Variants in CFAP161 observed in about 807,000 individuals in gnomAD.
CFAP161 encodes the protein cilia and flagella associated protein 161.
CFAP161 carries 25 observed loss-of-function variants against 29.0 expected under a neutral mutation model. The ratio of observed to expected loss-of-function variants is 0.86; its 90% CI spans 0.63 to 1.20. The LOEUF (loss-of-function observed/expected upper bound fraction) is 1.20. CFAP161 is among the 50% of genes most tolerant of loss of function. The probability of loss-of-function intolerance (pLI) is 0.00; values close to 1 mark genes in which losing one functional copy is unlikely to be tolerated. For synonymous variants in CFAP161, 116 were observed against 137.4 expected, an observed-to-expected ratio of 0.84 and a Z score of 1.09; for missense variants, 367 against 371.9, an observed-to-expected ratio of 0.99 and a Z score of 0.11.
intron 3 of CFAP161, 83 bp downstream of exon 3, chr15:81,136,831 C>T: frequency 8.8e-7 from 1 of 1,137,996 alleles, no homozygotes; most frequent in Non-Finnish European, 1.3e-6. Flanking sequence ...ATTGGAGCCA[C>T]TGAGTGGAGG....
In CFAP161 at chr15:81,110,001, T is replaced by A. The variant is rs370463748; in HGVS notation, c.-141-17589T>A. Among the ~76,000 whole-genome samples the A allele has an allele frequency of 8.5e-5, 13 of 152,286 alleles. No individual in the cohort carries two copies. In the East Asian group the frequency reaches 2.5e-3, roughly 29 times the overall value. ...ATTTCTGCATAAATTTGATGTTTGT[T>A]CTTGGTCCAATTTTAGCAGAATCCA... On this transcript the variant is annotated intron_variant, in intron 1 of 4. Transcript: ENST00000560091.
At chr15:81,148,014 T>C in intron 6 of CFAP161, 83 bp downstream of exon 6, 1 of 1,120,908 alleles carries the variant, frequency 8.9e-7, no homozygotes, top group Non-Finnish European at 1.3e-6. Flanking sequence ...ATTGATAGTG[T>C]ATGGCTGCAC....
intron 1 of CFAP161, among the ~76,000 whole-genome samples, chr15:81,109,031 G>A (rs1894408113): frequency 3.9e-5 from 6 of 152,220 alleles, no homozygotes; most frequent in Admixed American, 2.6e-4. Context: ...TGTATGATAA[G>A]AGGAGTGAGC....
At chr15:81,147,828 G>T in intron 5 of CFAP161, 30 bp from the exon 6 acceptor site, 6 of 1,511,550 alleles carry the variant, frequency 4.0e-6, no homozygotes, top group East Asian at 2.3e-5. Flanking sequence ...TGTTTAGAAT[G>T]CTAATAACAC....
chr15:81,148,500 C>T lies in CFAP161; in HGVS notation c.873C>T (p.Ala291=), dbSNP rs746984610. The stretch of plus-strand genomic sequence containing the variant: ...AACCACCCACAGAGGACACTCGAGC[C>T]ATGGAGCAGGCCATGGGCCTTGACA... ...LPKPPTEDTR[A]MEQAMGLDTQ The change falls in exon 7 of 7, where the codon GCC becomes GCT. Residue 291 remains alanine, a synonymous_variant. Transcript: ENST00000286732. 20 of 1,614,076 alleles carry T rather than the reference C, an allele frequency of 1.2e-5. No homozygotes were observed. Among genetic ancestry groups the T allele is most frequent in the African/African-American group, 2.7e-5 (2 of 74,934 alleles).
chr15:81,140,396 T>C (rs1289266031), intron 4 of CFAP161, among the ~76,000 whole-genome samples: 2 of 152,204 alleles, frequency 1.3e-5, no homozygotes, highest in Non-Finnish European at 2.9e-5. Context: ...TCTCATTTTG[T>C]CCCAGATGAC....
chr15:81,119,978 A>C (rs547711800), intron 1 of CFAP161, among the ~76,000 whole-genome samples: 26 of 152,328 alleles, frequency 1.7e-4, no homozygotes, highest in Admixed American at 1.4e-3. Flanking sequence ...TAAAAGGCTC[A>C]AAAGCAGTAC....
In CFAP161 at chr15:81,144,389, G is replaced by C. The variant is rs139442169; in HGVS notation, c.636+569G>C. Among the ~76,000 whole-genome samples the C allele has an allele frequency of 4.6e-3, 707 of 152,298 alleles. 10 individuals carry two copies. In the East Asian group the frequency reaches 0.049, roughly 10 times the overall value. On this transcript the variant is annotated intron_variant, in intron 5 of 6. Coordinates refer to ENST00000286732, the MANE Select transcript of CFAP161 (RefSeq NM_173528.4). Reference sequence around the variant, plus strand: ...GCGGGCGGATCTTTTGAGGCCAGGAGTTCAAGACCAGCCTGGGCAACATGG... The same window carrying C: ...GCGGGCGGATCTTTTGAGGCCAGGACTTCAAGACCAGCCTGGGCAACATGG...
intron 1 of CFAP161, among the ~76,000 whole-genome samples, chr15:81,106,466 G>A (rs1365904657): frequency 2.0e-5 from 3 of 152,186 alleles, no homozygotes; most frequent in South Asian, 2.1e-4. Flanking sequence ...CACCGTGCCC[G>A]GCTGGCTTTT....
chr15:81,112,499 T>A (rs1441889672), intron 1 of CFAP161, among the ~76,000 whole-genome samples: 1 of 152,088 alleles, frequency 6.6e-6, no homozygotes, highest in Non-Finnish European at 1.5e-5. Flanking sequence ...AAAACATAAT[T>A]TTGAGATTAC....
At chr15:81,127,881 G>C (rs1264055830) in intron 2 of CFAP161, among the ~76,000 whole-genome samples, 3 of 152,202 alleles carry the variant, frequency 2.0e-5, no homozygotes, top group Non-Finnish European at 2.9e-5. Context: ...GCATTGCAAT[G>C]GGACTATGCA....
chr15:81,109,100 G>A (rs949978477), intron 1 of CFAP161, among the ~76,000 whole-genome samples: 2 of 152,162 alleles, frequency 1.3e-5, no homozygotes, highest in African/African-American at 4.8e-5. Flanking sequence ...GTGTTTATCT[G>A]CTCATGCTCT....
chr15:81,141,979 T>C (rs1172391721), intron 4 of CFAP161, among the ~76,000 whole-genome samples: 2 of 152,176 alleles, frequency 1.3e-5, no homozygotes, highest in Non-Finnish European at 2.9e-5. Context: ...CCACTGTACC[T>C]GGCCTTATTT....
At chr15:81,127,886 T>C (rs1466103729) in intron 2 of CFAP161, among the ~76,000 whole-genome samples, 2 of 152,224 alleles carry the variant, frequency 1.3e-5, no homozygotes, top group East Asian at 3.9e-4. Context: ...GCAATGGGAC[T>C]ATGCATGCCA....
At chr15:81,116,287 T>G (rs1369579944) in intron 1 of CFAP161, among the ~76,000 whole-genome samples, 4 of 152,136 alleles carry the variant, frequency 2.6e-5, no homozygotes, top group Admixed American at 2.6e-4. Context: ...TTTAAAAATT[T>G]TATTTTATTA....
chr15:81,120,809 A>T (rs1249820326), intron 1 of CFAP161, among the ~76,000 whole-genome samples: 1 of 152,272 alleles, frequency 6.6e-6, no homozygotes, highest in Non-Finnish European at 1.5e-5. Flanking sequence ...ACCTCAAAAA[A>T]TGAAGTTACC....
intron 5 of CFAP161, among the ~76,000 whole-genome samples, chr15:81,146,739 G>C (rs1895011952): frequency 6.7e-6 from 1 of 149,566 alleles, no homozygotes; most frequent in African/African-American, 2.4e-5. Flanking sequence ...TGAATCTTGG[G>C]ACCTAAACTC....
chr15:81,116,365 C>T (rs1039596338), intron 1 of CFAP161, among the ~76,000 whole-genome samples: 2 of 152,200 alleles, frequency 1.3e-5, no homozygotes, highest in African/African-American at 4.8e-5. Flanking sequence ...ACAATCTTGG[C>T]TCACTGCAGC....
At position 81,135,132 on chromosome 15, in the gene CFAP161, C is replaced by A. The variant is rs1894786788; in HGVS notation, c.70-138C>A. ...ATATTAAAGTAGTGCTAAAAACGTTCCATCATTCCAATTATGCTCACATCT... is the reference window on the plus strand; with the variant it reads ...ATATTAAAGTAGTGCTAAAAACGTTACATCATTCCAATTATGCTCACATCT... On this transcript the variant is annotated intron_variant, in intron 1 of 6. Transcript: ENST00000286732. 1.4e-5 allele frequency: 7 copies of A among 513,708 alleles called. No homozygotes were observed. In the East Asian group the frequency reaches 1.8e-4, roughly 13 times the overall value. 31.8% of individuals were successfully genotyped at this position (513,708 alleles called of 1,614,324 possible). A position where few individuals can be genotyped will look rare whatever the true frequency, so the allele number is the denominator to read the frequency against.
Sources: gnomAD v4.1 joint callset for allele counts (sites outside exome capture counted in the v4.1 genomes callset) on GRCh38, gnomAD v4.1.1 for gene constraint, MANE v1.5 for transcripts, NCBI Gene and HGNC (gene_info 2026-07-23, HGNC 2026-07-21) for gene names.